STK24: variants seen among roughly 807,000 people sequenced by gnomAD.
STK24 encodes serine/threonine kinase 24, also known as serine/threonine-protein kinase 24.
STK24 carries 21 observed loss-of-function variants against 55.6 expected under a neutral mutation model. That is an observed-to-expected ratio of 0.38 (90% confidence interval 0.27 to 0.54). The LOEUF is 0.54. STK24 is among the 20% of genes least tolerant of loss of function. STK24 has a pLI of 0.79. For missense variants in STK24, 383 were observed against 538.4 expected, an observed-to-expected ratio of 0.71 and a Z score of 2.86; for synonymous variants, 200 against 215.2, an observed-to-expected ratio of 0.93 and a Z score of 0.62.
chr13:98,529,961 C>T (rs1202619911), intron 1 of STK24, among the ~76,000 whole-genome samples: 4 of 152,080 alleles, frequency 2.6e-5, no homozygotes, highest in African/African-American at 9.7e-5. Context: ...ACCTGCAGGG[C>T]CCAGGAAAGA....
chr13:98,457,485 T>TTTTTGG (rs71111957), intron 9 of STK24, among the ~76,000 whole-genome samples, 181 bp from the exon 10 acceptor site: 1 of 111,380 alleles, frequency 9.0e-6, no homozygotes, highest in African/African-American at 3.3e-5. Flanking sequence ...TTTTTTTTTT[T>TTTTTGG]GTGAGACGGA....
chr13:98,556,466 CCTT>C (rs745696504), intron 1 of STK24, among the ~76,000 whole-genome samples: 10 of 152,298 alleles, frequency 6.6e-5, no homozygotes, highest in Non-Finnish European at 1.2e-4. Flanking sequence ...ATGAATCTCC[CCTT>C]CTTCTTTTTG....
chr13:98,551,202 C>T (rs1478236244), intron 1 of STK24, among the ~76,000 whole-genome samples: 34 of 151,632 alleles, frequency 2.2e-4, no homozygotes, highest in Non-Finnish European at 1.9e-4. Context: ...AGGAGAATGG[C>T]GTGAACCCGG....
At chr13:98,547,068 C>A (rs1463339794) in intron 1 of STK24, among the ~76,000 whole-genome samples, 1 of 152,012 alleles carries the variant, frequency 6.6e-6, no homozygotes, top group African/African-American at 2.4e-5. Context: ...TGTGCCACCA[C>A]ACTCAGCTAA....
Position 98,576,751 on chromosome 13 carries a change from G to A in STK24, c.36C>T (p.Gly12=), listed in dbSNP as rs1432961448. Residue 12 remains glycine, a synonymous_variant, in exon 1 of 11, where the codon GGC becomes GGT. Coordinates refer to ENST00000539966, the MANE Select transcript of STK24 (RefSeq NM_001032296.4). ...AHSPVQSGLP[G]MQNLKADPEE... Reference sequence around the variant, plus strand: ...GCGGCCCGCGCCCGCCTACCTGCATGCCGGGCAGGCCCGACTGCACCGGGG... The same window carrying A: ...GCGGCCCGCGCCCGCCTACCTGCATACCGGGCAGGCCCGACTGCACCGGGG... The A allele has an allele frequency of 6.9e-7, 1 of 1,458,452 alleles. No homozygotes were observed. The highest frequency in any genetic ancestry group is 1.3e-5 in the South Asian group (1 of 78,014). The allele number at this position is 1,458,452 out of a possible 1,614,324, so 90.3% of individuals were successfully genotyped here. A position where few individuals can be genotyped will look rare whatever the true frequency, so the allele number is the denominator to read the frequency against.
intron 1 of STK24, among the ~76,000 whole-genome samples, chr13:98,532,854 G>A (rs536505100): frequency 2.1e-4 from 32 of 152,292 alleles, no homozygotes; most frequent in Non-Finnish European, 4.4e-4. Flanking sequence ...ACTTCTGTAA[G>A]TGGCACTACT....
chr13:98,524,201 T>C (rs1358215420), intron 1 of STK24, among the ~76,000 whole-genome samples: 3 of 151,978 alleles, frequency 2.0e-5, no homozygotes, highest in Admixed American at 6.5e-5. Context: ...GTTACAATAA[T>C]GGCACTAATA....
At chr13:98,552,204 T>A (rs1897175133) in intron 1 of STK24, among the ~76,000 whole-genome samples, 1 of 152,218 alleles carries the variant, frequency 6.6e-6, no homozygotes, top group Non-Finnish European at 1.5e-5. Flanking sequence ...ATAGCTTGAT[T>A]TTTATTAAAA....
chr13:98,480,928 G>A (rs886754804), intron 3 of STK24, among the ~76,000 whole-genome samples: 1 of 152,180 alleles, frequency 6.6e-6, no homozygotes, highest in Admixed American at 6.5e-5. Flanking sequence ...TTTCCTTAAT[G>A]AGTAATACCC....
intron 1 of STK24, among the ~76,000 whole-genome samples, chr13:98,528,154 C>A (rs1896485361): frequency 6.6e-6 from 1 of 152,108 alleles, no homozygotes; most frequent in Non-Finnish European, 1.5e-5. Context: ...CAGGACAGAC[C>A]CGGGCCCATC....
chr13:98,510,214 A>G (rs1419484907), intron 2 of STK24, among the ~76,000 whole-genome samples: 1 of 152,230 alleles, frequency 6.6e-6, no homozygotes, highest in Non-Finnish European at 1.5e-5. Flanking sequence ...GGTGTCCGTC[A>G]GTATAAACAA....
At chr13:98,549,857 C>T (rs1280021917) in intron 1 of STK24, among the ~76,000 whole-genome samples, 2 of 152,304 alleles carry the variant, frequency 1.3e-5, no homozygotes, top group Non-Finnish European at 2.9e-5. Context: ...GGCCCCACCT[C>T]GAAACACAAT....
At chr13:98,530,937 C>T (rs1352052581) in intron 1 of STK24, among the ~76,000 whole-genome samples, 5 of 152,178 alleles carry the variant, frequency 3.3e-5, no homozygotes, top group African/African-American at 7.2e-5. Context: ...CAACACAATG[C>T]GACAGGGTCT....
intron 2 of STK24, among the ~76,000 whole-genome samples, chr13:98,495,320 C>T (rs974775696): frequency 1.3e-5 from 2 of 152,160 alleles, no homozygotes; most frequent in African/African-American, 4.8e-5. Flanking sequence ...TATCATGCCA[C>T]ATTGTAGAAA....
rs1892810373 is a variant in STK24, at chr13:98,446,021, G to T, written c.*7152C>A. ...GGACATGCCCCAGCCCAGGGCCCTGGTGCAGGGAGAGCTGCTCTCTGTGCC... is the reference window on the plus strand; with the variant it reads ...GGACATGCCCCAGCCCAGGGCCCTGTTGCAGGGAGAGCTGCTCTCTGTGCC... On this transcript the variant is annotated 3_prime_UTR_variant, in exon 11 of 11. Coordinates refer to ENST00000539966, the MANE Select transcript of STK24 (RefSeq NM_001032296.4). 1.0e-6 allele frequency: 1 copy of T among 977,092 alleles called. No individual in the cohort carries two copies. Among genetic ancestry groups the T allele is most frequent in the Admixed American group, 1.9e-5 (1 of 53,904 alleles). 60.5% of individuals were successfully genotyped at this position (977,092 alleles called of 1,614,324 possible).
At position 98,448,175 on chromosome 13, in the gene STK24, A is replaced by AC. The variant is rs563965295; in HGVS notation, c.*4997dup. 7.1e-7 allele frequency: 1 copy of AC among 1,415,612 alleles called. No individual in the cohort carries two copies. The highest frequency in any genetic ancestry group is 1.0e-6 in the Non-Finnish European group (1 of 1,000,532). 87.7% of individuals were successfully genotyped at this position (1,415,612 alleles called of 1,614,324 possible). ...CCTTGTGTTTCTGTAAGCGATGCCC[A>AC]CCAAAGTGTCAGGAGTCCGTCCAAA... On this transcript the variant is annotated 3_prime_UTR_variant, in exon 11 of 11. Transcript: ENST00000539966.
chr13:98,545,572 T>G (rs1455087603), intron 1 of STK24, among the ~76,000 whole-genome samples: 1 of 149,068 alleles, frequency 6.7e-6, no homozygotes, highest in Non-Finnish European at 1.5e-5. Flanking sequence ...AGGCAGAGCT[T>G]GCAGTGAGCC....
intron 3 of STK24, among the ~76,000 whole-genome samples, chr13:98,479,324 C>CTCAA (rs1894501696): frequency 1.3e-5 from 2 of 152,316 alleles, no homozygotes; most frequent in South Asian, 4.1e-4. Context: ...TGAGCACACA[C>CTCAA]TCAAATATGT....
chr13:98,567,618 G>A (rs1897620555), intron 1 of STK24, among the ~76,000 whole-genome samples: 1 of 152,160 alleles, frequency 6.6e-6, no homozygotes, highest in African/African-American at 2.4e-5. Flanking sequence ...GTATACTGCT[G>A]TTTATTTACA....
Sources: allele counts gnomAD v4.1 joint callset (sites outside exome capture counted in the v4.1 genomes callset), GRCh38; gene constraint gnomAD v4.1.1; transcripts MANE v1.5; gene names NCBI Gene and HGNC (gene_info 2026-07-23, HGNC 2026-07-21).